The following DDR2 variants were observed in gnomAD, a reference collection of about 807,000 sequenced individuals.
DDR2 encodes discoidin domain-containing receptor 2.
A neutral mutation model predicts 94.9 loss-of-function variants in DDR2; 27 were observed. That is an observed-to-expected ratio of 0.28 (90% CI 0.21 to 0.39). DDR2 has a LOEUF of 0.39. Among genes scored for constraint, DDR2 ranks in the 10% least tolerant of loss-of-function variants. The pLI, the probability that DDR2 is intolerant of heterozygous loss-of-function variation, is 1.00. For missense variants in DDR2, 783 were observed against 1,076.0 expected (o/e 0.73, Z 3.81); for synonymous variants, 382 against 377.2 (o/e 1.01, Z -0.15).
chr1:162,693,260 G>A (rs1160655096), intron 2 of DDR2, among the ~76,000 whole-genome samples: 2 of 152,260 alleles, frequency 1.3e-5, no homozygotes, highest in East Asian at 3.9e-4. Flanking sequence ...ACACAGGTAT[G>A]TTCACTTTGT....
chr1:162,711,449 C>CT (rs1660911087), intron 2 of DDR2, among the ~76,000 whole-genome samples: 1 of 152,154 alleles, frequency 6.6e-6, no homozygotes, highest in South Asian at 2.1e-4. Flanking sequence ...AGTTTGGTAA[C>CT]TTTAGGCATT....
intron 2 of DDR2, among the ~76,000 whole-genome samples, chr1:162,697,896 T>C (rs1398825115): frequency 6.6e-6 from 1 of 152,226 alleles, no homozygotes; most frequent in Admixed American, 6.5e-5. Flanking sequence ...AGCTTGTGGC[T>C]CAACCACTGA....
rs1171021434 is a variant in DDR2, at chr1:162,786,831, C to T, written c.*6585C>T. On this transcript the variant is annotated 3_prime_UTR_variant, in exon 18 of 18. Transcript: ENST00000367921. ...ACGAGACACTGGGATTTTACGTCCT[C>T]ACATTAATTAGTCCAGTTCTGGGGA... is the stretch of plus-strand genomic sequence containing the variant. The T allele has an allele frequency of 2.0e-5, 3 of 152,236 alleles. No homozygotes were observed. The highest frequency in any genetic ancestry group is 6.5e-5 in the Admixed American group (1 of 15,286). 9.4% of individuals were successfully genotyped at this position (152,236 alleles called of 1,614,324 possible). A position where few individuals can be genotyped will look rare whatever the true frequency, so the allele number is the denominator to read the frequency against.
chr1:162,728,288 A>G (rs564799831), intron 3 of DDR2, among the ~76,000 whole-genome samples: 7 of 150,976 alleles, frequency 4.6e-5, no homozygotes, highest in Non-Finnish European at 1.0e-4. Flanking sequence ...TTCACATTTT[A>G]CCCAATCAGG....
At chr1:162,705,306 A>T (rs1225205986) in intron 2 of DDR2, among the ~76,000 whole-genome samples, 1 of 152,176 alleles carries the variant, frequency 6.6e-6, no homozygotes, top group African/African-American at 2.4e-5. Context: ...TTTTCATTCC[A>T]GCTACGAGCC....
At chr1:162,706,181 A>G (rs1304420458) in intron 2 of DDR2, among the ~76,000 whole-genome samples, 2 of 152,176 alleles carry the variant, frequency 1.3e-5, no homozygotes, top group East Asian at 3.9e-4. Flanking sequence ...AGTGAGATGA[A>G]CAGGTCAGCA....
intron 1 of DDR2, among the ~76,000 whole-genome samples, chr1:162,645,294 A>G (rs1383970146): frequency 6.6e-6 from 1 of 152,128 alleles, no homozygotes; most frequent in African/African-American, 2.4e-5. Flanking sequence ...ATTTTTTTTC[A>G]GCTTTTTGGG....
chr1:162,773,435 A>G (rs184780032), intron 13 of DDR2, 34 bp from the exon 14 acceptor site: 2 of 1,611,800 alleles, frequency 1.2e-6, no homozygotes, highest in East Asian at 4.5e-5. Context: ...TTCAGGAGAA[A>G]TGATGATGCT....
chr1:162,744,144 A>G (rs1662738782), intron 3 of DDR2, among the ~76,000 whole-genome samples: 1 of 152,252 alleles, frequency 6.6e-6, no homozygotes, highest in African/African-American at 2.4e-5. Flanking sequence ...GATAATCATA[A>G]TGATGATGAC....
At position 162,741,256 on chromosome 1, in the gene DDR2, A is replaced by AG. The variant is rs1558057572; in HGVS notation, c.83-11839_83-11838insG. Among the ~76,000 whole-genome samples, 743 of 122,696 alleles carry AG rather than the reference A, an allele frequency of 6.1e-3. 6 individuals carry two copies. The highest frequency in any genetic ancestry group is 9.1e-3 in the Non-Finnish European group (560 of 61,630). 80.5% of individuals were successfully genotyped at this position (122,696 alleles called of 152,430 possible). A position where few individuals can be genotyped will look rare whatever the true frequency, so the allele number is the denominator to read the frequency against. On this transcript the variant is annotated intron_variant, in intron 3 of 17. Transcript: ENST00000367921. ...ATATAATATAATATAGTATAATGTA[A>AG]TGTAATGTAATATAATATAATATAA...
chr1:162,755,293 T>G lies in DDR2; in HGVS notation c.555T>G (p.Cys185Trp). 6.2e-7 allele frequency: 1 copy of G among 1,613,890 alleles called. No homozygotes were observed. The highest frequency in any genetic ancestry group is 8.5e-7 in the Non-Finnish European group (1 of 1,180,026). ...GTATGAGAGTGGAGCTTTACGGCTGTGTCTGGCTAGGTAGGTCACTAGCCC... is the reference window on the plus strand; with the variant it reads ...GTATGAGAGTGGAGCTTTACGGCTGGGTCTGGCTAGGTAGGTCACTAGCCC... Reference protein sequence around the residue: ...NVCMRVELYGCVWLDGLVSYN... With the variant: ...NVCMRVELYGWVWLDGLVSYN... The change falls in exon 6 of 18, where the codon TGT (cysteine) becomes TGG (tryptophan). Residue 185 changes from cysteine (C) to tryptophan (W), a missense_variant. Around this residue, in one of 2 missense-constraint regions of DDR2, gnomAD observed 519 missense variants for 647.9 expected, o/e 0.80. Transcript: ENST00000367921.
chr1:162,755,639 T>C, intron 6 of DDR2, 25 bp from the exon 7 acceptor site: 1 of 1,607,298 alleles, frequency 6.2e-7, no homozygotes, highest in Admixed American at 1.7e-5. Flanking sequence ...CAGTAGGCAC[T>C]CACTTGGCTG....
At chr1:162,760,508 CTATATATA>C in intron 8 of DDR2, among the ~76,000 whole-genome samples, 1 of 60,178 alleles carries the variant, frequency 1.7e-5, no homozygotes, top group South Asian at 5.6e-4. Context: ...ACATATACAA[CTATATATA>C]TGTATATACA....
At chr1:162,727,640 G>A (rs1661763464) in intron 3 of DDR2, among the ~76,000 whole-genome samples, 2 of 148,644 alleles carry the variant, frequency 1.3e-5, no homozygotes. Context: ...TTTGTTGATT[G>A]CCTATATAAG....
intron 2 of DDR2, among the ~76,000 whole-genome samples, chr1:162,677,018 C>G (rs1452807045): frequency 6.6e-6 from 1 of 151,974 alleles, no homozygotes; most frequent in Non-Finnish European, 1.5e-5. Flanking sequence ...CCTCTGTGCT[C>G]ACGGGGTTTT....
chr1:162,716,296 T>C (rs1039938230), intron 2 of DDR2, among the ~76,000 whole-genome samples: 3 of 152,112 alleles, frequency 2.0e-5, no homozygotes, highest in Non-Finnish European at 4.4e-5. Flanking sequence ...TGCAAAAGAC[T>C]GCTAGGAGAG....
chr1:162,776,623 C>G (rs1045261626), intron 16 of DDR2, among the ~76,000 whole-genome samples: 2 of 152,126 alleles, frequency 1.3e-5, no homozygotes, highest in African/African-American at 4.8e-5. Context: ...CTTTGTTTCT[C>G]TTTATCATTT....
At chr1:162,708,533 A>C (rs1558038615) in intron 2 of DDR2, among the ~76,000 whole-genome samples, 1 of 151,972 alleles carries the variant, frequency 6.6e-6, no homozygotes. Flanking sequence ...AGGTATGAGC[A>C]CTCTCACTCA....
chr1:162,766,550 A>C (rs1663997119), intron 10 of DDR2, among the ~76,000 whole-genome samples: 1 of 152,218 alleles, frequency 6.6e-6, no homozygotes, highest in African/African-American at 2.4e-5. Flanking sequence ...CATGTCTCAA[A>C]GAATGCAGAG....
Sources: allele counts gnomAD v4.1 joint callset (sites outside exome capture counted in the v4.1 genomes callset), GRCh38; gene constraint gnomAD v4.1.1; regional missense constraint gnomAD v4.1.1; transcripts MANE v1.5; gene names NCBI Gene and HGNC (gene_info 2026-07-23, HGNC 2026-07-21).